The following CTNNA3 variants were observed in gnomAD, a reference collection of about 807,000 sequenced individuals.
CTNNA3 encodes catenin alpha-3.
A neutral mutation model predicts 95.7 loss-of-function variants in CTNNA3; 76 were observed. The observed-to-expected ratio is 0.79, with a 90% CI of 0.66 to 0.96. The LOEUF (loss-of-function observed/expected upper bound fraction) is 0.96. CTNNA3 is among the 40% of genes least tolerant of loss of function. The pLI is 0.00. For missense variants in CTNNA3, 1,191 were observed against 1,089.8 expected, an observed-to-expected ratio of 1.09 and a Z score of -1.31; for synonymous variants, 431 against 374.4, an observed-to-expected ratio of 1.15 and a Z score of -1.74.
At chr10:66,722,145 G>A (rs1848647233) in intron 9 of CTNNA3, among the ~76,000 whole-genome samples, 1 of 152,184 alleles carries the variant, frequency 6.6e-6, no homozygotes, top group African/African-American at 2.4e-5. Context: ...TTGGGAGGCT[G>A]AGGCGGGTGG....
intron 13 of CTNNA3, among the ~76,000 whole-genome samples, chr10:66,121,653 C>T (rs1388322889): frequency 6.6e-6 from 1 of 152,114 alleles, no homozygotes; most frequent in Non-Finnish European, 1.5e-5. Context: ...AGTTCAAGAG[C>T]AGCCTGGGCA....
intron 10 of CTNNA3, among the ~76,000 whole-genome samples, chr10:66,532,267 C>G (rs1292292120): frequency 6.6e-6 from 1 of 152,032 alleles, no homozygotes; most frequent in East Asian, 1.9e-4. Context: ...TCGAGACCAT[C>G]CTGGCTAACA....
intron 7 of CTNNA3, among the ~76,000 whole-genome samples, chr10:67,179,817 A>G (rs1319804412): frequency 6.6e-6 from 1 of 152,082 alleles, no homozygotes; most frequent in African/African-American, 2.4e-5. Flanking sequence ...ACAGATCAAG[A>G]CCCTGTCTAT....
intron 1 of CTNNA3, among the ~76,000 whole-genome samples, chr10:67,687,072 G>T (rs1840746212): frequency 6.6e-6 from 1 of 152,142 alleles, no homozygotes; most frequent in Non-Finnish European, 1.5e-5. Context: ...GAAATACCTG[G>T]TTACAGGCCA....
rs186269204 is a variant in CTNNA3, at chr10:67,300,439, A to C, written c.580-80569T>G. 5.9e-5 allele frequency among the ~76,000 whole-genome samples: 9 copies of C among 152,198 alleles called. No individual in the cohort carries two copies. In the East Asian group the frequency reaches 1.7e-3, roughly 29 times the overall value. On this transcript the variant is annotated intron_variant, in intron 5 of 17. Coordinates refer to ENST00000433211, the MANE Select transcript of CTNNA3 (RefSeq NM_013266.4). ...AACAATGCTGTTATCCCCCTCACCA[A>C]TGCATATTATAGTGCTTTCATCAAA...
intron 13 of CTNNA3, among the ~76,000 whole-genome samples, chr10:66,278,503 G>A (rs2091437829): frequency 6.6e-6 from 1 of 151,936 alleles, no homozygotes; most frequent in Non-Finnish European, 1.5e-5. Flanking sequence ...GCTCTCAAAG[G>A]CTATTAATAA....
At chr10:66,817,150 C>A (rs1842119470) in intron 7 of CTNNA3, among the ~76,000 whole-genome samples, 1 of 151,924 alleles carries the variant, frequency 6.6e-6, no homozygotes, top group African/African-American at 2.4e-5. Flanking sequence ...GTACCAAAAT[C>A]TCAGAAATCA....
intron 12 of CTNNA3, among the ~76,000 whole-genome samples, chr10:66,288,735 T>C (rs1037392033): frequency 6.6e-6 from 1 of 152,090 alleles, no homozygotes; most frequent in Admixed American, 6.6e-5. Context: ...GTGAAGCACC[T>C]GTCCTCTGCA....
intron 5 of CTNNA3, among the ~76,000 whole-genome samples, chr10:67,309,687 C>G (rs1840701881): frequency 1.3e-5 from 2 of 152,142 alleles, no homozygotes; most frequent in African/African-American, 4.8e-5. Flanking sequence ...CAGCAGCAAA[C>G]AGGGTCAACT....
chr10:66,485,645 A>G (rs1839699780), intron 11 of CTNNA3, among the ~76,000 whole-genome samples: 1 of 152,192 alleles, frequency 6.6e-6, no homozygotes, highest in African/African-American at 2.4e-5. Flanking sequence ...AAGAATTAAT[A>G]TTATTAAAAT....
intron 7 of CTNNA3, among the ~76,000 whole-genome samples, chr10:66,914,710 A>C (rs1336234550): frequency 4.6e-5 from 7 of 152,188 alleles, no homozygotes; most frequent in Non-Finnish European, 8.8e-5. Flanking sequence ...GGGATCAGCA[A>C]ACTGTTTCTG....
intron 11 of CTNNA3, among the ~76,000 whole-genome samples, chr10:66,464,833 T>C (rs35700351): frequency 6.6e-6 from 1 of 151,946 alleles, no homozygotes; most frequent in Non-Finnish European, 1.5e-5. Context: ...ATTTGTCTCT[T>C]ACAGGCTAAT....
At chr10:66,444,182 C>A (rs2093399115) in intron 11 of CTNNA3, among the ~76,000 whole-genome samples, 1 of 152,054 alleles carries the variant, frequency 6.6e-6, no homozygotes, top group African/African-American at 2.4e-5. Context: ...TGTGAAAAGA[C>A]CAAATCTATA....
intron 13 of CTNNA3, among the ~76,000 whole-genome samples, chr10:66,108,956 A>G (rs943237950): frequency 1.3e-5 from 2 of 152,200 alleles, no homozygotes; most frequent in Non-Finnish European, 2.9e-5. Context: ...GAAACTAGAG[A>G]TGAGATTTTG....
In CTNNA3 at chr10:67,751,713, T is replaced by C. The variant is rs944560836; in HGVS notation, c.-2+11721A>G. On this transcript the variant is annotated intron_variant, in intron 1 of 17. Coordinates refer to the CTNNA3 transcript ENST00000684154. The stretch of plus-strand genomic sequence containing the variant: ...CTCTACGCAAATAAACTAGAAAATC[T>C]AGAAGAAATTGATAAATTCCAGGAC... Among the ~76,000 whole-genome samples, 5 of 151,514 alleles carry C rather than the reference T, an allele frequency of 3.3e-5. No individual in the cohort carries two copies. The South Asian group carries it at 1.0e-3, about 32-fold the overall frequency.
At chr10:67,653,696 T>A (rs988251731) in intron 1 of CTNNA3, among the ~76,000 whole-genome samples, 3 of 152,170 alleles carry the variant, frequency 2.0e-5, no homozygotes, top group Non-Finnish European at 2.9e-5. Context: ...CTAGGAGGCA[T>A]GTCTAACATT....
chr10:67,237,471 A>C (rs1281378111), intron 5 of CTNNA3, among the ~76,000 whole-genome samples: 1 of 151,796 alleles, frequency 6.6e-6, no homozygotes, highest in Non-Finnish European at 1.5e-5. Flanking sequence ...AAAATTTTAC[A>C]AGTCACCACC....
intron 6 of CTNNA3, among the ~76,000 whole-genome samples, chr10:67,181,478 CTGA>C (rs1420749366): frequency 1.3e-5 from 2 of 152,134 alleles, no homozygotes; most frequent in African/African-American, 4.8e-5. Flanking sequence ...TAAAAGCTCT[CTGA>C]AGAACCCTTA....
intron 7 of CTNNA3, among the ~76,000 whole-genome samples, chr10:66,960,067 T>C (rs7085158): frequency 0.32 from 48,899 of 151,970 alleles, 8,450 homozygotes; most frequent in African/African-American, 0.43. Flanking sequence ...CTCATAGCTA[T>C]TTGAAATTTT....
Sources: allele counts gnomAD v4.1 joint callset (sites outside exome capture counted in the v4.1 genomes callset), GRCh38; gene constraint gnomAD v4.1.1; transcripts MANE v1.5; gene names NCBI Gene and HGNC (gene_info 2026-07-23, HGNC 2026-07-21).